HAS3: variants seen among roughly 807,000 people sequenced by gnomAD.
HAS3 encodes hyaluronan synthase 3, also known as HA synthase 3.
Under a neutral mutation model 50.3 loss-of-function variants are expected in HAS3, and 27 were observed. The ratio of observed to expected loss-of-function variants is 0.54; its 90% CI spans 0.40 to 0.74. HAS3 has a LOEUF of 0.74. HAS3 is among the 30% of genes least tolerant of loss of function. The pLI is 0.00. For missense variants in HAS3, 517 were observed against 742.8 expected (o/e 0.70, Z 3.53); for synonymous variants, 339 against 310.9 (o/e 1.09, Z -0.95).
intron 2 of HAS3, among the ~76,000 whole-genome samples, 190 bp from the exon 3 acceptor site, chr16:69,113,251 G>C (rs1961067369): frequency 6.6e-6 from 1 of 152,220 alleles, no homozygotes; most frequent in South Asian, 2.1e-4. Flanking sequence ...TCTGGTAGCT[G>C]TACACTTTTA....
At position 69,117,388 on chromosome 16, in the gene HAS3, G is replaced by A; in HGVS notation, c.*2122G>A. ...GGGCTCACAACGTTTGACCTCGACT[G>A]GTTTTTCTAAGTTATTTTGTACATT... On this transcript the variant is annotated 3_prime_UTR_variant, in exon 4 of 4. Coordinates refer to ENST00000569188, the MANE Select transcript of HAS3 (RefSeq NM_001199280.2). The A allele has an allele frequency of 3.0e-6, 3 of 985,764 alleles. No individual in the cohort carries two copies. Among genetic ancestry groups the A allele is most frequent in the Non-Finnish European group, 3.6e-6 (3 of 829,896 alleles). The allele number at this position is 985,764 out of a possible 1,614,324, so 61.1% of individuals were successfully genotyped here.
At position 69,110,062 on chromosome 16, in the gene HAS3, A is replaced by G. The variant is rs370893808; in HGVS notation, c.636+31A>G. 96 of 1,572,694 alleles carry G rather than the reference A, an allele frequency of 6.1e-5. No homozygotes were observed. The African/African-American group carries it at 1.1e-3, about 18-fold the overall frequency. ...GGCGCCTCCCTAGGAGCGTGTGTACATGGGGATAAGTCTGGACAGCCTGGC... is the reference window on the plus strand; with the variant it reads ...GGCGCCTCCCTAGGAGCGTGTGTACGTGGGGATAAGTCTGGACAGCCTGGC... On this transcript the variant is annotated intron_variant, in intron 2 of 3. Coordinates refer to ENST00000569188, the MANE Select transcript of HAS3 (RefSeq NM_001199280.2).
Position 69,106,405 on chromosome 16 carries a change from C to T in HAS3, c.-1+618C>T, listed in dbSNP as rs1459209480. The T allele has an allele frequency of 1.4e-5, 2 of 148,036 alleles. No individual in the cohort carries two copies. Among genetic ancestry groups the T allele is most frequent in the Admixed American group, 6.7e-5 (1 of 14,968 alleles). 9.2% of individuals were successfully genotyped at this position (148,036 alleles called of 1,614,324 possible). On this transcript the variant is annotated intron_variant, in intron 1 of 3. Transcript: ENST00000569188. This position sits in a 1 kb window ranked among gnomAD's most constrained non-coding sequence, Gnocchi z 5.5. ...CGCGCCGGGTGGCAGGGGTGCCTCT[C>T]GCCGAGCCCCCCGCACCCGGCCAGC... is the stretch of plus-strand genomic sequence containing the variant.
chr16:69,097,892 G>A, the HAS3 span, among the ~76,000 whole-genome samples: 2 of 152,046 alleles, frequency 1.3e-5, no homozygotes, highest in Non-Finnish European at 2.9e-5. Flanking sequence ...TGCAGACTCC[G>A]CCTTTCCCTG....
upstream of HAS3, among the ~76,000 whole-genome samples, chr16:69,104,740 G>GA (rs1353767020): frequency 6.6e-5 from 10 of 152,112 alleles, no homozygotes; most frequent in Non-Finnish European, 4.4e-5. Context: ...CACTGTGCCT[G>GA]GCCAATAATG....
upstream of HAS3, among the ~76,000 whole-genome samples, chr16:69,105,007 T>G (rs1355557262): frequency 7.0e-5 from 8 of 114,770 alleles, no homozygotes; most frequent in East Asian, 1.1e-3. Context: ...TTTTTTTTTT[T>G]TTTTTTTTTT....
the HAS3 span, among the ~76,000 whole-genome samples, chr16:69,088,765 G>A: frequency 9.2e-4 from 140 of 152,042 alleles, no homozygotes; most frequent in African/African-American, 3.1e-3. Context: ...TCCAGGTAAT[G>A]GGAACAGCAA....
At chr16:69,100,942 C>A (rs1367436804), upstream of HAS3, among the ~76,000 whole-genome samples, 1 of 152,160 alleles carries the variant, frequency 6.6e-6, no homozygotes, top group Admixed American at 6.5e-5. Flanking sequence ...TTCCTTGTCA[C>A]TGCCTGTGCT....
intron 2 of HAS3, 95 bp from the exon 3 acceptor site, chr16:69,113,346 A>G (rs1261314269): frequency 1.2e-5 from 10 of 813,144 alleles, no homozygotes; most frequent in Non-Finnish European, 2.2e-5. Flanking sequence ...TGAAGGGGTC[A>G]TGTCTCTCAG....
chr16:69,091,079 C>T, the HAS3 span, among the ~76,000 whole-genome samples: 23 of 152,132 alleles, frequency 1.5e-4, no homozygotes, highest in Middle Eastern at 3.2e-3. Flanking sequence ...CAAGAGATAC[C>T]GTATTTCCAA....
rs1321079723 is a variant in HAS3 at position 69,107,160 on chromosome 16, C to T, written c.-1+1373C>T. The T allele has an allele frequency of 9.7e-6, 2 of 206,348 alleles. No homozygotes were observed. The highest frequency in any genetic ancestry group is 2.4e-5 in the African/African-American group (1 of 42,500). 12.8% of individuals were successfully genotyped at this position (206,348 alleles called of 1,614,324 possible). ...CTCTGCCGGCTTGGGGTGACACAGC[C>T]CCCCGCCCCAGGTCTGGGCAGGAGA... On this transcript the variant is annotated intron_variant, in intron 1 of 3. Transcript: ENST00000569188. This position sits in a 1 kb window ranked among gnomAD's most constrained non-coding sequence, Gnocchi z 5.5.
At chr16:69,088,803 T>C in the HAS3 span, among the ~76,000 whole-genome samples, 1 of 151,988 alleles carries the variant, frequency 6.6e-6, no homozygotes, top group African/African-American at 2.4e-5. Flanking sequence ...TAAGAGCAGG[T>C]CTCAGGAGGA....
At chr16:69,087,107 G>A in the HAS3 span, among the ~76,000 whole-genome samples, 3 of 151,796 alleles carry the variant, frequency 2.0e-5, no homozygotes, top group Non-Finnish European at 2.9e-5. Context: ...CCTCACCTTC[G>A]GCGTCCTCCA....
At chr16:69,113,582 A>G in intron 3 of HAS3, 40 bp downstream of exon 3, 1 of 1,209,532 alleles carries the variant, frequency 8.3e-7, no homozygotes, top group Non-Finnish European at 1.2e-6. Context: ...AGGGGTCTGG[A>G]CTCTTTTTCC....
upstream of HAS3, among the ~76,000 whole-genome samples, chr16:69,101,788 C>CTT (rs35588789): frequency 8.4e-6 from 1 of 118,432 alleles, no homozygotes; most frequent in African/African-American, 3.3e-5. Context: ...TACTTGTACT[C>CTT]TTTTTTTTTT....
chr16:69,111,157 ATTTT>A (rs71148963), intron 2 of HAS3, among the ~76,000 whole-genome samples: 1,175 of 61,964 alleles, frequency 0.019, 1 homozygote, highest in Non-Finnish European at 0.025. Context: ...CTAGGCCAGG[ATTTT>A]TTTTTTTTTT....
Position 69,117,044 on chromosome 16 carries a change from A to G in HAS3, c.*1778A>G. The G allele has an allele frequency of 3.0e-6, 3 of 985,522 alleles. No individual in the cohort carries two copies. Among genetic ancestry groups the G allele is most frequent in the Non-Finnish European group, 3.6e-6 (3 of 829,924 alleles). The allele number at this position is 985,522 out of a possible 1,614,324, so 61.0% of individuals were successfully genotyped here. A position where few individuals can be genotyped will look rare whatever the true frequency, so the allele number is the denominator to read the frequency against. Reference sequence around the variant, plus strand: ...AGCTAACAGTTGCCACATCACACAGACCTCGAGTTTCTGGTAAGACTGCTG... The same window carrying G: ...AGCTAACAGTTGCCACATCACACAGGCCTCGAGTTTCTGGTAAGACTGCTG... On this transcript the variant is annotated 3_prime_UTR_variant, in exon 4 of 4. Coordinates refer to ENST00000569188, the MANE Select transcript of HAS3 (RefSeq NM_001199280.2).
In HAS3 at chr16:69,114,195, G is replaced by A; in HGVS notation, c.739-148G>A. The A allele has an allele frequency of 8.3e-7, 1 of 1,206,534 alleles. No homozygotes were observed. Among genetic ancestry groups the A allele is most frequent in the East Asian group, 2.4e-5 (1 of 41,776 alleles). The allele number at this position is 1,206,534 out of a possible 1,614,324, so 74.7% of individuals were successfully genotyped here. On this transcript the variant is annotated intron_variant, in intron 3 of 3. Transcript: ENST00000569188. This position sits in a 1 kb window ranked among gnomAD's most constrained non-coding sequence, Gnocchi z 6.4. Reference sequence around the variant, plus strand: ...GATTGTGTGTGGTTGGCTCCTCTGAGCCTCAGGTTTCCCAGCTCCAAAGGA... The same window carrying A: ...GATTGTGTGTGGTTGGCTCCTCTGAACCTCAGGTTTCCCAGCTCCAAAGGA...
the HAS3 span, among the ~76,000 whole-genome samples, chr16:69,091,255 T>C: frequency 6.6e-6 from 1 of 152,212 alleles, no homozygotes; most frequent in African/African-American, 2.4e-5. Flanking sequence ...CTCATATCAG[T>C]ACTCACAGAT....
Sources: gnomAD v4.1 joint callset for allele counts (sites outside exome capture counted in the v4.1 genomes callset) on GRCh38, gnomAD v4.1.1 for gene constraint, Gnocchi (gnomAD v3.1) non-coding constraint, MANE v1.5 for transcripts, NCBI Gene and HGNC (gene_info 2026-07-23, HGNC 2026-07-21) for gene names.